The following CDH13 variants were observed in gnomAD, a reference collection of about 807,000 sequenced individuals.
The protein encoded by CDH13 is cadherin 13.
CDH13 carries 24 observed loss-of-function variants against 63.8 expected under a neutral mutation model. The observed-to-expected ratio is 0.38, with a 90% CI of 0.27 to 0.53. The LOEUF (loss-of-function observed/expected upper bound fraction) is 0.53. CDH13 is among the 20% of genes least tolerant of loss of function. The pLI, the probability that CDH13 is intolerant of heterozygous loss-of-function variation, is 0.85. For synonymous variants in CDH13, 503 were observed against 355.3 expected, an observed-to-expected ratio of 1.42 and a Z score of -4.67; for missense variants, 1,049 against 903.1, an observed-to-expected ratio of 1.16 and a Z score of -2.07.
chr16:82,930,503 T>C (rs551167059), intron 2 of CDH13, among the ~76,000 whole-genome samples: 1 of 152,324 alleles, frequency 6.6e-6, no homozygotes, highest in African/African-American at 2.4e-5. Flanking sequence ...TGTATACGGA[T>C]GCCAAATATA....
intron 2 of CDH13, among the ~76,000 whole-genome samples, chr16:83,000,439 A>T (rs72794147): frequency 0.16 from 24,175 of 150,042 alleles, 2,331 homozygotes; most frequent in African/African-American, 0.26. Flanking sequence ...TCGTAGAGAC[A>T]CGGTTTCACC....
intron 7 of CDH13, among the ~76,000 whole-genome samples, chr16:83,557,467 T>C (rs1284386646): frequency 2.0e-5 from 3 of 152,218 alleles, no homozygotes; most frequent in Admixed American, 6.5e-5. Context: ...ATGTTCTATG[T>C]ATATGATAGA....
chr16:82,901,344 G>C (rs1314119456), intron 2 of CDH13, among the ~76,000 whole-genome samples: 1 of 149,044 alleles, frequency 6.7e-6, no homozygotes, highest in East Asian at 2.0e-4. Context: ...GTGTGTGTGT[G>C]TGTGTGTGTG....
chr16:83,234,530 C>T (rs2040090722), intron 5 of CDH13, among the ~76,000 whole-genome samples: 1 of 152,264 alleles, frequency 6.6e-6, no homozygotes. Context: ...ATTCCTGCTC[C>T]AGTGCAACTG....
At chr16:83,234,798 A>G (rs938938496) in intron 5 of CDH13, among the ~76,000 whole-genome samples, 1 of 152,230 alleles carries the variant, frequency 6.6e-6, no homozygotes, top group Non-Finnish European at 1.5e-5. Flanking sequence ...TGAGCTTAGG[A>G]AAGTGTCTGG....
rs1022969028 is a variant in CDH13, at chr16:83,336,661, GTC to G, written c.637-8199_637-8198del. 4.6e-5 allele frequency among the ~76,000 whole-genome samples: 7 copies of G among 152,078 alleles called. No individual in the cohort carries two copies. In the East Asian group the frequency reaches 5.8e-4, roughly 13 times the overall value. ...ATCATCTCAAAAAAGCTCTGTGTGT[GTC>G]TGTGTTTTGCTTTATTTGCATATTT... On this transcript the variant is annotated intron_variant, in intron 5 of 13. Coordinates refer to ENST00000567109, the MANE Select transcript of CDH13 (RefSeq NM_001257.5).
At chr16:83,485,278 G>A (rs904350953) in intron 6 of CDH13, among the ~76,000 whole-genome samples, 3 of 152,166 alleles carry the variant, frequency 2.0e-5, no homozygotes, top group African/African-American at 4.8e-5. Context: ...CCAAGGAGGC[G>A]AAGGCATTGT....
intron 6 of CDH13, among the ~76,000 whole-genome samples, chr16:83,407,287 G>A (rs866006298): frequency 7.9e-5 from 12 of 152,190 alleles, no homozygotes; most frequent in African/African-American, 1.7e-4. Context: ...CCTCCTGCCC[G>A]TTTATTTGAA....
At chr16:82,648,090 C>A (rs1489405097) in intron 1 of CDH13, among the ~76,000 whole-genome samples, 1 of 152,164 alleles carries the variant, frequency 6.6e-6, no homozygotes, top group East Asian at 1.9e-4. Flanking sequence ...GATTGTGAGG[C>A]CTCCTCAGCC....
intron 1 of CDH13, among the ~76,000 whole-genome samples, chr16:82,660,249 G>A (rs995872128): frequency 1.3e-5 from 2 of 152,138 alleles, no homozygotes; most frequent in East Asian, 3.9e-4. Flanking sequence ...TAGGAACCTG[G>A]AGATAAATAT....
intron 5 of CDH13, among the ~76,000 whole-genome samples, chr16:83,310,282 G>A (rs983010530): frequency 1.3e-5 from 2 of 152,122 alleles, no homozygotes; most frequent in African/African-American, 4.8e-5. Flanking sequence ...CAAATAAATA[G>A]CAGTCTAAGA....
intron 5 of CDH13, among the ~76,000 whole-genome samples, chr16:83,297,846 C>G (rs1292924637): frequency 6.6e-6 from 1 of 152,086 alleles, no homozygotes; most frequent in Non-Finnish European, 1.5e-5. Flanking sequence ...CGAAACTTTT[C>G]AAAGTGAGAT....
intron 1 of CDH13, among the ~76,000 whole-genome samples, chr16:82,714,438 G>A (rs59677947): frequency 1.6e-3 from 242 of 152,146 alleles, no homozygotes; most frequent in African/African-American, 5.4e-3. Flanking sequence ...AGAGGGTCGG[G>A]CATGGTGGCT....
chr16:82,678,301 C>T (rs1914164465), intron 1 of CDH13, among the ~76,000 whole-genome samples: 2 of 144,520 alleles, frequency 1.4e-5, no homozygotes, highest in Non-Finnish European at 3.0e-5. Flanking sequence ...AATGCAAATG[C>T]ATGGCATACA....
At chr16:83,099,137 T>C (rs892737147) in intron 3 of CDH13, among the ~76,000 whole-genome samples, 1 of 152,174 alleles carries the variant, frequency 6.6e-6, no homozygotes, top group Non-Finnish European at 1.5e-5. Flanking sequence ...ACTTCTAAGA[T>C]ATATAAGATC....
At chr16:82,971,967 C>T (rs1487757035) in intron 2 of CDH13, among the ~76,000 whole-genome samples, 1 of 152,172 alleles carries the variant, frequency 6.6e-6, no homozygotes, top group African/African-American at 2.4e-5. Flanking sequence ...GAGGCACTAA[C>T]CCTCTAGCCC....
intron 11 of CDH13, among the ~76,000 whole-genome samples, chr16:83,753,778 T>C (rs16944521): frequency 0.024 from 3,577 of 152,044 alleles, 90 homozygotes; most frequent in East Asian, 0.14. Context: ...AACTTCCATG[T>C]AGGATACAGT....
At chr16:82,670,206 A>G (rs1913074030) in intron 1 of CDH13, among the ~76,000 whole-genome samples, 1 of 152,216 alleles carries the variant, frequency 6.6e-6, no homozygotes, top group African/African-American at 2.4e-5. Flanking sequence ...TGCATCCGAA[A>G]TATTTGATGT....
At chr16:83,441,670 C>T (rs1028368372) in intron 6 of CDH13, among the ~76,000 whole-genome samples, 2 of 152,102 alleles carry the variant, frequency 1.3e-5, no homozygotes, top group African/African-American at 2.4e-5. Flanking sequence ...ACAGCTGCCA[C>T]CAAGATGTCA....
Sources: gnomAD v4.1 joint callset for allele counts (sites outside exome capture counted in the v4.1 genomes callset) on GRCh38, gnomAD v4.1.1 for gene constraint, MANE v1.5 for transcripts, NCBI Gene and HGNC (gene_info 2026-07-23, HGNC 2026-07-21) for gene names.